Variants in FOXI2 observed in about 807,000 individuals in gnomAD.
The protein encoded by FOXI2 is forkhead box I2.
Under a neutral mutation model 14.3 loss-of-function variants are expected in FOXI2, and 17 were observed. That is an observed-to-expected ratio of 1.19 (90% CI 0.81 to 1.78). The LOEUF (loss-of-function observed/expected upper bound fraction) is 1.78, where lower values mean the gene tolerates loss of function less well. Among genes scored for constraint, FOXI2 ranks in the 40% most tolerant of loss-of-function variants. The pLI is 0.00. For synonymous variants in FOXI2, 240 were observed against 218.8 expected, an observed-to-expected ratio of 1.10 and a Z score of -0.85; for missense variants, 541 against 460.0, an observed-to-expected ratio of 1.18 and a Z score of -1.61.
rs1846466403 is a variant in FOXI2, at chr10:127,739,520, G to C, written c.*555G>C. 1 of 153,264 alleles carries C rather than the reference G, an allele frequency of 6.5e-6. No homozygotes were observed. Among genetic ancestry groups the C allele is most frequent in the Non-Finnish European group, 1.5e-5 (1 of 68,848 alleles). The allele number at this position is 153,264 out of a possible 1,614,324, so 9.5% of individuals were successfully genotyped here. ...GTGGGCCAGGAGCCTGCAGTGAGGGGATCTGAGACAGTTGGCATTGGGTCC... is the reference window on the plus strand; with the variant it reads ...GTGGGCCAGGAGCCTGCAGTGAGGGCATCTGAGACAGTTGGCATTGGGTCC... On this transcript the variant is annotated 3_prime_UTR_variant, in exon 2 of 2. Coordinates refer to ENST00000388920, the MANE Select transcript of FOXI2 (RefSeq NM_207426.3).
chr10:127,737,921 AG>A, intron 1 of FOXI2, 137 bp downstream of exon 1: 1 of 1,353,382 alleles, frequency 7.4e-7, no homozygotes, highest in Non-Finnish European at 9.9e-7. Flanking sequence ...AGGAGGGAGA[AG>A]GGGAAGAAGT....
In FOXI2 at chr10:127,737,234, C is replaced by T. The variant is rs1383123508; in HGVS notation, c.-40C>T. ...AGCTGGATGGGTCGCCAGTGAGTTT[C>T]GGTGCGGCACCGCTGGCCCAGGCCC... On this transcript the variant is annotated 5_prime_UTR_variant, in exon 1 of 2. Transcript: ENST00000388920. 2 of 1,464,568 alleles carry T rather than the reference C, an allele frequency of 1.4e-6. No individual in the cohort carries two copies. The highest frequency in any genetic ancestry group is 3.0e-5 in the East Asian group (1 of 33,604). The allele number at this position is 1,464,568 out of a possible 1,614,324, so 90.7% of individuals were successfully genotyped here. A position where few individuals can be genotyped will look rare whatever the true frequency, so the allele number is the denominator to read the frequency against.
Position 127,741,155 on chromosome 10 carries a change from A to G in FOXI2, c.*2190A>G, listed in dbSNP as rs999468039. 3.3e-5 allele frequency: 5 copies of G among 152,242 alleles called. No individual in the cohort carries two copies. The highest frequency in any genetic ancestry group is 1.2e-4 in the African/African-American group (5 of 41,460). The allele number at this position is 152,242 out of a possible 1,614,324, so 9.4% of individuals were successfully genotyped here. ...CTTGAACCTATTTTAATAGAATGAA[A>G]TGCTAAAAATAAAGACCAATATAAC... On this transcript the variant is annotated 3_prime_UTR_variant, in exon 2 of 2. Transcript: ENST00000388920.
Position 127,738,507 on chromosome 10 carries a change from T to G in FOXI2, c.512-13T>G. 6.2e-7 allele frequency: 1 copy of G among 1,603,088 alleles called. No individual in the cohort carries two copies. The highest frequency in any genetic ancestry group is 8.5e-7 in the Non-Finnish European group (1 of 1,174,090). Reference sequence around the variant, plus strand: ...CTCGAACCTTCTGAACTGGGCTGTTTCTTCTTCTGCAGGTAAAGGCAATTA... The same window carrying G: ...CTCGAACCTTCTGAACTGGGCTGTTGCTTCTTCTGCAGGTAAAGGCAATTA... On this transcript the variant is annotated splice_polypyrimidine_tract_variant and intron_variant, in intron 1 of 1. Transcript: ENST00000388920.
rs1442786146 is a variant in FOXI2, at chr10:127,740,901, G to C, written c.*1936G>C. 1 of 152,150 alleles carries C rather than the reference G, an allele frequency of 6.6e-6. No individual in the cohort carries two copies. Among genetic ancestry groups the C allele is most frequent in the Non-Finnish European group, 1.5e-5 (1 of 68,048 alleles). 9.4% of individuals were successfully genotyped at this position (152,150 alleles called of 1,614,324 possible). A position where few individuals can be genotyped will look rare whatever the true frequency, so the allele number is the denominator to read the frequency against. ...AGGAGTTGGGATAAACCTGGCCCTGGTCATATGTTTCATCAGCAGTGGCTC... is the reference window on the plus strand; with the variant it reads ...AGGAGTTGGGATAAACCTGGCCCTGCTCATATGTTTCATCAGCAGTGGCTC... On this transcript the variant is annotated 3_prime_UTR_variant, in exon 2 of 2. Transcript: ENST00000388920.
rs1350251800 is a variant in FOXI2 at position 127,739,893 on chromosome 10, C to CCACACACA, written c.*933_*934insACACACAC. The CCACACACA allele has an allele frequency of 1.5e-5, 1 of 67,798 alleles. No homozygotes were observed. The allele number at this position is 67,798 out of a possible 1,614,324, so 4.2% of individuals were successfully genotyped here. A position where few individuals can be genotyped will look rare whatever the true frequency, so the allele number is the denominator to read the frequency against. On this transcript the variant is annotated 3_prime_UTR_variant, in exon 2 of 2. Coordinates refer to ENST00000388920, the MANE Select transcript of FOXI2 (RefSeq NM_207426.3). ...CCCACACTCACACCCACACCCACAC[C>CCACACACA]CACACTCACACACACTCACACCCAC...
rs1227983406 is a variant in FOXI2 at position 127,739,933 on chromosome 10, CCACA to C, written c.*974_*977del. The stretch of plus-strand genomic sequence containing the variant: ...CTCACACCCACACCCACACTCACAC[CCACA>C]CACACTCACACCCACACACACCCAC... On this transcript the variant is annotated 3_prime_UTR_variant, in exon 2 of 2. Coordinates refer to ENST00000388920, the MANE Select transcript of FOXI2 (RefSeq NM_207426.3). 5.9e-5 allele frequency: 5 copies of C among 85,068 alleles called. No homozygotes were observed. The highest frequency in any genetic ancestry group is 7.9e-4 in the East Asian group (2 of 2,534). 5.3% of individuals were successfully genotyped at this position (85,068 alleles called of 1,614,324 possible). A position where few individuals can be genotyped will look rare whatever the true frequency, so the allele number is the denominator to read the frequency against.
intron 1 of FOXI2, among the ~76,000 whole-genome samples, chr10:127,738,053 C>T (rs555366069): frequency 1.3e-5 from 2 of 152,312 alleles, no homozygotes; most frequent in South Asian, 2.1e-4. Context: ...GCGGGAGAGC[C>T]AGCAAGCTGG....
In FOXI2 at chr10:127,737,643, A is replaced by G; in HGVS notation, c.370A>G (p.Thr124Ala). 1 of 1,578,288 alleles carries G rather than the reference A, an allele frequency of 6.3e-7. No individual in the cohort carries two copies. The highest frequency in any genetic ancestry group is 8.6e-7 in the Non-Finnish European group (1 of 1,162,712). Residue 124 changes from threonine to alanine, a missense_variant, in exon 1 of 2, where the codon ACG becomes GCG. By Grantham distance (58) the Thr-to-Ala change is moderately conservative. Transcript: ENST00000388920. ...CCAGAGCGCGCCGCTGCGGAAGCTGACGCTCAGCCAGATCTACCAGTACGT... is the reference window on the plus strand; with the variant it reads ...CCAGAGCGCGCCGCTGCGGAAGCTGGCGCTCAGCCAGATCTACCAGTACGT... ...AIQSAPLRKL[T>A]LSQIYQYVAG... is the part of the protein sequence containing the mutation.
At position 127,737,341 on chromosome 10, in the gene FOXI2, A is replaced by AG. The variant is rs1554874069; in HGVS notation, c.68_69insG (p.His23GlnfsTer6). 2 of 1,433,792 alleles carry AG rather than the reference A, an allele frequency of 1.4e-6. No homozygotes were observed. Among genetic ancestry groups the AG allele is most frequent in the South Asian group, 2.9e-5 (2 of 70,042 alleles). 88.8% of individuals were successfully genotyped at this position (1,433,792 alleles called of 1,614,324 possible). A position where few individuals can be genotyped will look rare whatever the true frequency, so the allele number is the denominator to read the frequency against. ...CCCGGCCAGGCCCAGGCCACCGCGC[A>AG]CCCCCCGGGCTATGAGCCAGGGGAT... On this transcript the variant is annotated frameshift_variant, in exon 1 of 2. Coordinates refer to ENST00000388920, the MANE Select transcript of FOXI2 (RefSeq NM_207426.3). LOFTEE classifies it high-confidence loss of function.
At position 127,738,454 on chromosome 10, in the gene FOXI2, C is replaced by T. The variant is rs569858944; in HGVS notation, c.512-66C>T. ...GGGATCTTTCTGAAGCTGACCTCCT[C>T]GCTGGCTCACACCACGGCCCGTCAA... On this transcript the variant is annotated intron_variant, in intron 1 of 1. Transcript: ENST00000388920. The T allele has an allele frequency of 1.4e-4, 187 of 1,306,628 alleles. 1 individual carries two copies. In the South Asian group the frequency reaches 2.3e-3, roughly 16 times the overall value. 80.9% of individuals were successfully genotyped at this position (1,306,628 alleles called of 1,614,324 possible). A position where few individuals can be genotyped will look rare whatever the true frequency, so the allele number is the denominator to read the frequency against.
chr10:127,738,418 A>C, intron 1 of FOXI2, 102 bp from the exon 2 acceptor site: 1 of 895,152 alleles, frequency 1.1e-6, no homozygotes, highest in Non-Finnish European at 1.7e-6. Context: ...ACCCTCTGTA[A>C]GGGCCAGCAG....
Position 127,740,108 on chromosome 10 carries a change from TCA to T in FOXI2, c.*1147_*1148del, listed in dbSNP as rs1453554489. On this transcript the variant is annotated 3_prime_UTR_variant, in exon 2 of 2. Coordinates refer to ENST00000388920, the MANE Select transcript of FOXI2 (RefSeq NM_207426.3). ...CCCACACTCACACTCACACCCACAC[TCA>T]CACCACACTCACACCCACACACACC... The T allele has an allele frequency of 2.9e-5, 1 of 34,660 alleles. No homozygotes were observed. Among genetic ancestry groups the T allele is most frequent in the African/African-American group, 9.8e-5 (1 of 10,190 alleles). The allele number at this position is 34,660 out of a possible 1,614,324, so 2.1% of individuals were successfully genotyped here.
chr10:127,737,509 G>A lies in FOXI2; in HGVS notation c.236G>A (p.Gly79Asp), dbSNP rs750778638. ...CCCGGCCCGCTCCTCGGCGCCCCGG[G>A]CGGCCTGGCGGGCGCCGACCTCGCC... ...GAPGPLLGAP[G>D]GLAGADLAWL... The change falls in exon 1 of 2, where the codon GGC (glycine) becomes GAC (aspartate). Residue 79 changes from glycine to aspartate, a missense_variant. Physicochemically the swap from Gly to Asp is moderately conservative, Grantham distance 94. Transcript: ENST00000388920. 5.6e-4 allele frequency: 796 copies of A among 1,409,970 alleles called. No homozygotes were observed. Among genetic ancestry groups the A allele is most frequent in the Non-Finnish European group, 6.7e-4 (727 of 1,092,032 alleles). 87.3% of individuals were successfully genotyped at this position (1,409,970 alleles called of 1,614,324 possible).
chr10:127,738,989 T>A lies in FOXI2; in HGVS notation c.*24T>A, dbSNP rs1483003516. On this transcript the variant is annotated 3_prime_UTR_variant, in exon 2 of 2. Transcript: ENST00000388920. ...GAAGGGAGGCTGGAGGCTAGCCGGG[T>A]GCGGGTCCAGAGGTGCTGAGCTCAG... 1 of 1,586,842 alleles carries A rather than the reference T, an allele frequency of 6.3e-7. No individual in the cohort carries two copies. Among genetic ancestry groups the A allele is most frequent in the African/African-American group, 1.3e-5 (1 of 74,650 alleles).
chr10:127,740,069 T>TCACACACCCAC lies in FOXI2; in HGVS notation c.*1104_*1105insCACACACCCAC, dbSNP rs1554874515. On this transcript the variant is annotated 3_prime_UTR_variant, in exon 2 of 2. Coordinates refer to ENST00000388920, the MANE Select transcript of FOXI2 (RefSeq NM_207426.3). ...ACACCCACACTCACACCCACACTCA[T>TCACACACCCAC]ACTCACACTCACACCCACACTCACA... 1.4e-4 allele frequency: 9 copies of TCACACACCCAC among 62,078 alleles called. No individual in the cohort carries two copies. The highest frequency in any genetic ancestry group is 2.4e-4 in the African/African-American group (3 of 12,538). 3.8% of individuals were successfully genotyped at this position (62,078 alleles called of 1,614,324 possible).
chr10:127,737,853 G>A (rs1350021936), intron 1 of FOXI2, 69 bp downstream of exon 1: 19 of 1,557,070 alleles, frequency 1.2e-5, no homozygotes, highest in Middle Eastern at 1.9e-4. Flanking sequence ...GGGCACTCCG[G>A]GGGTGGGAGC....
Position 127,737,269 on chromosome 10 carries a change from T to G in FOXI2, c.-5T>G. On this transcript the variant is annotated 5_prime_UTR_variant, in exon 1 of 2. Coordinates refer to ENST00000388920, the MANE Select transcript of FOXI2 (RefSeq NM_207426.3). ...CCGCTGGCCCAGGCCCGGGCGCGGC[T>G]GGACATGGCCACCTACTGCGACGAC... The G allele has an allele frequency of 6.8e-7, 1 of 1,472,820 alleles. No homozygotes were observed. Among genetic ancestry groups the G allele is most frequent in the South Asian group, 1.3e-5 (1 of 77,458 alleles). 91.2% of individuals were successfully genotyped at this position (1,472,820 alleles called of 1,614,324 possible).
rs1554874515 is a variant in FOXI2 at position 127,740,069 on chromosome 10, T to TCACACTCACACTCACACTCACACCCAC, written c.*1104_*1105insCACACTCACACTCACACTCACACCCAC. On this transcript the variant is annotated 3_prime_UTR_variant, in exon 2 of 2. Transcript: ENST00000388920. ...ACACCCACACTCACACCCACACTCATACTCACACTCACACCCACACTCACA... is the reference window on the plus strand; with the variant it reads ...ACACCCACACTCACACCCACACTCATCACACTCACACTCACACTCACACCCACACTCACACTCACACCCACACTCACA... 1.6e-5 allele frequency: 1 copy of TCACACTCACACTCACACTCACACCCAC among 62,064 alleles called. No individual in the cohort carries two copies. 3.8% of individuals were successfully genotyped at this position (62,064 alleles called of 1,614,324 possible).
Sources: gnomAD v4.1 joint callset for allele counts (sites outside exome capture counted in the v4.1 genomes callset) on GRCh38, gnomAD v4.1.1 for gene constraint, MANE v1.5 for transcripts, NCBI Gene and HGNC (gene_info 2026-07-23, HGNC 2026-07-21) for gene names.